PLAAT5: variants seen among roughly 807,000 people sequenced by gnomAD.
PLAAT5 encodes the protein phospholipase A and acyltransferase 5, also known as Ca(2+)-independent N-acyltransferase.
In PLAAT5, 27 loss-of-function variants were observed where a neutral mutation model predicts 27.8. The ratio of observed to expected loss-of-function variants is 0.97; its 90% CI spans 0.72 to 1.34. The LOEUF is 1.34. Ranked by LOEUF, PLAAT5 falls within the 40% of genes most tolerant of loss-of-function variation. The pLI is 0.00. For synonymous variants in PLAAT5, 125 were observed against 136.1 expected, an observed-to-expected ratio of 0.92 and a Z score of 0.57; for missense variants, 368 against 343.8, an observed-to-expected ratio of 1.07 and a Z score of -0.56.
intron 2 of PLAAT5, 122 bp downstream of exon 2, chr11:63,490,121 G>A (rs945868761): frequency 7.7e-7 from 1 of 1,291,492 alleles, no homozygotes; most frequent in Non-Finnish European, 1.1e-6. Flanking sequence ...TCCCCTTGCT[G>A]GGTACCGGCT....
In PLAAT5 at chr11:63,491,024, C is replaced by T; in HGVS notation, c.11G>A (p.Ser4Asn). MGL[S>N]PGAEGEYALR... Reference sequence around the variant, plus strand: ...CGCGTACTCCCCCTCGGCGCCCGGGCTCAGGCCCATCCCGCCTCTGCGGCC... The same window carrying T: ...CGCGTACTCCCCCTCGGCGCCCGGGTTCAGGCCCATCCCGCCTCTGCGGCC... Residue 4 changes from serine to asparagine, a missense_variant, in exon 1 of 6, where the codon AGC (serine) becomes AAC (asparagine). Transcript: ENST00000540857. The T allele has an allele frequency of 6.7e-7, 1 of 1,485,420 alleles. No individual in the cohort carries two copies. The highest frequency in any genetic ancestry group is 8.9e-7 in the Non-Finnish European group (1 of 1,117,862). 92.0% of individuals were successfully genotyped at this position (1,485,420 alleles called of 1,614,324 possible). A position where few individuals can be genotyped will look rare whatever the true frequency, so the allele number is the denominator to read the frequency against.
At position 63,464,374 on chromosome 11, in the gene PLAAT5, T is replaced by C. The variant is rs369575870; in HGVS notation, c.718-779A>G. Among the ~76,000 whole-genome samples, 31 of 152,166 alleles carry C rather than the reference T, an allele frequency of 2.0e-4. 1 individual carries two copies. The highest frequency in any genetic ancestry group is 6.5e-4 in the Admixed American group (10 of 15,270). The stretch of plus-strand genomic sequence containing the variant: ...TTTCCATCTCTTTAAAGGGGGATAA[T>C]AGGTTGGGTGTGGTGGCTCACGCCT... On this transcript the variant is annotated intron_variant, in intron 5 of 5. Transcript: ENST00000540857.
intron 3 of PLAAT5, among the ~76,000 whole-genome samples, chr11:63,477,035 G>T (rs2016167964): frequency 6.6e-6 from 1 of 151,964 alleles, no homozygotes; most frequent in African/African-American, 2.4e-5. Flanking sequence ...TTCATTTGGT[G>T]CTTCTTTATC....
intron 3 of PLAAT5, among the ~76,000 whole-genome samples, chr11:63,475,567 A>G (rs1243245294): frequency 2.0e-5 from 3 of 151,984 alleles, no homozygotes; most frequent in Non-Finnish European, 1.5e-5. Context: ...AAGTCATATG[A>G]TCTCTGCCTT....
chr11:63,490,313 C>T lies in PLAAT5; in HGVS notation c.169G>A (p.Ala57Thr). Reference sequence around the variant, plus strand: ...TGCTTGGCTGGGAGCTGGACCAACGCTGCGAATCCCACGGATTCTTCTAAT... The same window carrying T: ...TGCTTGGCTGGGAGCTGGACCAACGTTGCGAATCCCACGGATTCTTCTAAT... Reference protein sequence around the residue: ...PHSEESVGFAALVQLPAKQPP... With the variant: ...PHSEESVGFATLVQLPAKQPP... The change falls in exon 2 of 6, where the codon GCG becomes ACG. Residue 57 changes from alanine to threonine, a missense_variant. Transcript: ENST00000540857. The T allele has an allele frequency of 6.2e-7, 1 of 1,614,178 alleles. No individual in the cohort carries two copies.
At chr11:63,487,121 G>A (rs2016454612) in intron 3 of PLAAT5, among the ~76,000 whole-genome samples, 1 of 152,060 alleles carries the variant, frequency 6.6e-6, no homozygotes, top group Admixed American at 6.6e-5. Context: ...CTGACACATT[G>A]GACTTCATCA....
chr11:63,482,785 G>A (rs2016317575), intron 3 of PLAAT5, among the ~76,000 whole-genome samples: 1 of 152,048 alleles, frequency 6.6e-6, no homozygotes, highest in East Asian at 1.9e-4. Context: ...ACTGTAAATG[G>A]CCTAAATGCT....
intron 3 of PLAAT5, among the ~76,000 whole-genome samples, chr11:63,484,912 T>C (rs1336886022): frequency 2.0e-5 from 3 of 152,076 alleles, no homozygotes; most frequent in Admixed American, 1.3e-4. Context: ...ATCCAAAAAG[T>C]CCTAGAACTG....
At chr11:63,474,905 T>C (rs2016116499) in intron 3 of PLAAT5, among the ~76,000 whole-genome samples, 1 of 152,104 alleles carries the variant, frequency 6.6e-6, no homozygotes. Context: ...TTGTTCTTTT[T>C]TTGACCATGG....
At position 63,485,754 on chromosome 11, in the gene PLAAT5, C is replaced by T. The variant is rs9888277; in HGVS notation, c.345+3117G>A. Reference sequence around the variant, plus strand: ...ATCAAGAACCCAAAAGCAAATGCAACATAAACAAAGATAAATAGATGGGAC... The same window carrying T: ...ATCAAGAACCCAAAAGCAAATGCAATATAAACAAAGATAAATAGATGGGAC... On this transcript the variant is annotated intron_variant, in intron 3 of 5. Transcript: ENST00000540857. 7.4e-3 allele frequency among the ~76,000 whole-genome samples: 1,121 copies of T among 152,216 alleles called. 18 individuals carry two copies. The highest frequency in any genetic ancestry group is 0.026 in the African/African-American group (1,067 of 41,562).
chr11:63,472,771 G>A (rs949490811), intron 3 of PLAAT5, among the ~76,000 whole-genome samples: 9 of 151,982 alleles, frequency 5.9e-5, no homozygotes, highest in African/African-American at 2.2e-4. Flanking sequence ...TTGTACATTA[G>A]CCTTATATTC....
intron 3 of PLAAT5, among the ~76,000 whole-genome samples, chr11:63,488,262 G>T (rs1015342676): frequency 2.0e-4 from 30 of 152,318 alleles, no homozygotes; most frequent in African/African-American, 7.2e-4. Context: ...CATATCAGTT[G>T]TTGCCTGGGG....
rs1201715897 is a variant in PLAAT5, at chr11:63,461,604, G to GAA, written c.*1897_*1898dup. 6.6e-6 allele frequency: 1 copy of GAA among 152,170 alleles called. No individual in the cohort carries two copies. The highest frequency in any genetic ancestry group is 3.2e-3 in the Middle Eastern group (1 of 316). The allele number at this position is 152,170 out of a possible 1,614,324, so 9.4% of individuals were successfully genotyped here. The stretch of plus-strand genomic sequence containing the variant: ...GCAGAAACCATTACAGATTAAAAGA[G>GAA]AAACACACACACACACTTTGAGAAA... On this transcript the variant is annotated 3_prime_UTR_variant, in exon 6 of 6. Transcript: ENST00000540857.
chr11:63,489,982 T>A (rs2016522028), intron 2 of PLAAT5, among the ~76,000 whole-genome samples: 1 of 152,220 alleles, frequency 6.6e-6, no homozygotes, highest in Non-Finnish European at 1.5e-5. Context: ...GTAAGCCTCC[T>A]GCTAAAGCCA....
chr11:63,465,285 A>AAG (rs940156717), intron 5 of PLAAT5, among the ~76,000 whole-genome samples: 1 of 151,814 alleles, frequency 6.6e-6, no homozygotes, highest in African/African-American at 2.4e-5. Context: ...TCTCAAAAAA[A>AAG]AGAGAGAGAG....
chr11:63,465,371 A>AGTGTGTGTGT (rs58014474), intron 5 of PLAAT5, among the ~76,000 whole-genome samples: 24 of 145,276 alleles, frequency 1.7e-4, no homozygotes, highest in African/African-American at 4.1e-4. Flanking sequence ...TCAAACAAAA[A>AGTGTGTGTGT]GTGTGTGTGT....
At chr11:63,480,654 T>G (rs2016262043) in intron 3 of PLAAT5, among the ~76,000 whole-genome samples, 1 of 152,220 alleles carries the variant, frequency 6.6e-6, no homozygotes, top group South Asian at 2.1e-4. Context: ...GAGTATAGCC[T>G]GGGTGCCAGA....
Position 63,461,866 on chromosome 11 carries a change from T to C in PLAAT5, c.*1637A>G, listed in dbSNP as rs560275435. On this transcript the variant is annotated 3_prime_UTR_variant, in exon 6 of 6. Transcript: ENST00000540857. The stretch of plus-strand genomic sequence containing the variant: ...TTGGCACTTGGGAGACACTCAAAAA[T>C]ATTTTTTGGACAAACAAGTGAATGT... 2 of 152,286 alleles carry C rather than the reference T, an allele frequency of 1.3e-5. No homozygotes were observed. The highest frequency in any genetic ancestry group is 4.2e-4 in the South Asian group (2 of 4,816). The allele number at this position is 152,286 out of a possible 1,614,324, so 9.4% of individuals were successfully genotyped here. A position where few individuals can be genotyped will look rare whatever the true frequency, so the allele number is the denominator to read the frequency against.
chr11:63,483,801 G>GTATGTA (rs2016354210), intron 3 of PLAAT5, among the ~76,000 whole-genome samples: 1 of 24,160 alleles, frequency 4.1e-5, no homozygotes, highest in South Asian at 1.1e-3. Context: ...ATATATATAT[G>GTATGTA]TATATATATA....
Sources: gnomAD v4.1 joint callset for allele counts (sites outside exome capture counted in the v4.1 genomes callset) on GRCh38, gnomAD v4.1.1 for gene constraint, MANE v1.5 for transcripts, NCBI Gene and HGNC (gene_info 2026-07-23, HGNC 2026-07-21) for gene names.